PDE1C: variants seen among roughly 807,000 people sequenced by gnomAD.
PDE1C encodes the protein dual specificity calcium/calmodulin-dependent 3',5'-cyclic nucleotide phosphodiesterase 1C.
In PDE1C, 62 loss-of-function variants were observed where a neutral mutation model predicts 93.1. That is an observed-to-expected ratio of 0.67 (90% CI 0.54 to 0.82). PDE1C has a LOEUF of 0.82. Ranked by LOEUF, PDE1C falls within the 40% of genes least tolerant of loss-of-function variation. The pLI is 0.00. For synonymous variants in PDE1C, 325 were observed against 310.1 expected (o/e 1.05, Z -0.50); for missense variants, 742 against 884.6 (o/e 0.84, Z 2.04).
intron 2 of PDE1C, among the ~76,000 whole-genome samples, chr7:32,010,436 A>C (rs1033901426): frequency 6.6e-6 from 1 of 152,242 alleles, no homozygotes; most frequent in African/African-American, 2.4e-5. Context: ...CCGGATTTCC[A>C]TGTGTAAATT....
At chr7:31,864,582 AT>A (rs1795058885) in intron 7 of PDE1C, among the ~76,000 whole-genome samples, 1 of 152,240 alleles carries the variant, frequency 6.6e-6, no homozygotes, top group Admixed American at 6.5e-5. Context: ...AGTACATTGA[AT>A]ACAATTTCAG....
At chr7:32,169,861 G>T (rs1173001093) in exon 3 of PDE1C, 8 of 1,612,528 alleles carry the variant, frequency 5.0e-6, no homozygotes, top group Non-Finnish European at 5.9e-6. Flanking sequence ...TCTGGGGGTC[G>T]AGGGTCATGG....
Position 32,209,543 on chromosome 7 carries a change from G to GAAA in PDE1C, c.86-7_86-5dup, listed in dbSNP as rs112791453. ...TTGTCTCCAGCTTCATTTGCAACTA[G>GAAA]AAAAAAAAAAGAGGATGCAATTTAA... On this transcript the variant is annotated splice_region_variant and splice_polypyrimidine_tract_variant and intron_variant, in intron 1 of 18. Transcript: ENST00000396193. 3.7e-4 allele frequency: 512 copies of GAAA among 1,368,630 alleles called. No homozygotes were observed. The African/African-American group carries it at 6.7e-3, about 18-fold the overall frequency. 84.8% of individuals were successfully genotyped at this position (1,368,630 alleles called of 1,614,324 possible).
intron 2 of PDE1C, among the ~76,000 whole-genome samples, chr7:31,991,487 T>G (rs1784132057): frequency 6.6e-6 from 1 of 152,252 alleles, no homozygotes; most frequent in East Asian, 1.9e-4. Flanking sequence ...AGAAATTATG[T>G]TCTCTTTGCC....
chr7:32,205,744 C>G (rs531691550), intron 2 of PDE1C, among the ~76,000 whole-genome samples: 91 of 152,300 alleles, frequency 6.0e-4, no homozygotes, highest in Non-Finnish European at 1.1e-3. Context: ...AGTTTCACTC[C>G]TGAAGCCAGC....
intron 1 of PDE1C, among the ~76,000 whole-genome samples, chr7:32,231,657 A>C (rs1462715673): frequency 6.6e-6 from 1 of 152,234 alleles, no homozygotes; most frequent in Middle Eastern, 3.2e-3. Context: ...ACTGCTCTCC[A>C]ACACTGAAAA....
chr7:32,377,828 G>T (rs1467834771), intron 1 of PDE1C, among the ~76,000 whole-genome samples: 3 of 151,994 alleles, frequency 2.0e-5, no homozygotes, highest in Admixed American at 6.5e-5. Context: ...CTATTGCCTC[G>T]CACCAAGCAA....
At chr7:31,647,708 G>GAAT in the PDE1C span, among the ~76,000 whole-genome samples, 20 of 144,590 alleles carry the variant, frequency 1.4e-4, no homozygotes, top group African/African-American at 5.1e-4. Context: ...AGAGGAAGAA[G>GAAT]AAGACGATGA....
chr7:32,007,706 A>G (rs927603762), intron 2 of PDE1C, among the ~76,000 whole-genome samples: 1 of 152,224 alleles, frequency 6.6e-6, no homozygotes, highest in African/African-American at 2.4e-5. Context: ...ACAACTAGTC[A>G]TTCCACGTAT....
In PDE1C at chr7:31,837,275, G is replaced by A. The variant is rs1325681180; in HGVS notation, c.1108C>T (p.Leu370Phe). ...EAIEKPKALS[L>F]MLHTADISHP... ...CTAATATCTGCTGTATGCAGCATAAGGGATAAGGCTTTTGGCTTTTCAATG... is the reference window on the plus strand; with the variant it reads ...CTAATATCTGCTGTATGCAGCATAAAGGATAAGGCTTTTGGCTTTTCAATG... Residue 370 changes from leucine to phenylalanine, a missense_variant, in exon 11 of 18, where the codon CTT (leucine) becomes TTT (phenylalanine). Transcript: ENST00000396191. The A allele has an allele frequency of 1.2e-6, 2 of 1,612,898 alleles. No homozygotes were observed. Among genetic ancestry groups the A allele is most frequent in the African/African-American group, 2.7e-5 (2 of 74,910 alleles).
At chr7:31,913,759 T>A (rs1801543345) in intron 2 of PDE1C, among the ~76,000 whole-genome samples, 1 of 152,198 alleles carries the variant, frequency 6.6e-6, no homozygotes, top group African/African-American at 2.4e-5. Flanking sequence ...TATTTGTCCT[T>A]AAACAGAGTT....
At chr7:32,128,920 T>TATAC (rs1799748324) in intron 3 of PDE1C, among the ~76,000 whole-genome samples, 1 of 77,932 alleles carries the variant, frequency 1.3e-5, no homozygotes, top group Admixed American at 1.1e-4. Context: ...TATATATATA[T>TATAC]ATATATATAT....
At chr7:32,120,790 T>C (rs1244664129) in intron 3 of PDE1C, among the ~76,000 whole-genome samples, 1 of 152,082 alleles carries the variant, frequency 6.6e-6, no homozygotes. Flanking sequence ...AAAAAAATGC[T>C]GAAAACCCAA....
At chr7:32,241,517 G>A (rs1808543966) in intron 1 of PDE1C, among the ~76,000 whole-genome samples, 1 of 152,114 alleles carries the variant, frequency 6.6e-6, no homozygotes, top group East Asian at 1.9e-4. Context: ...CAGGACTGGT[G>A]TAGACTGAAG....
chr7:32,187,684 C>T (rs560148519), intron 2 of PDE1C, among the ~76,000 whole-genome samples: 7 of 152,184 alleles, frequency 4.6e-5, no homozygotes, highest in South Asian at 2.1e-4. Flanking sequence ...AAGTTGCATA[C>T]GTAATTTTAA....
chr7:31,688,737 A>C, the PDE1C span, among the ~76,000 whole-genome samples: 7 of 152,234 alleles, frequency 4.6e-5, no homozygotes, highest in African/African-American at 1.7e-4. Flanking sequence ...AGAGGAAGTT[A>C]CAAGAGTTTA....
rs1356058477 is a variant in PDE1C at position 32,128,950 on chromosome 7, TATAA to T, written c.308+40831_308+40834del. The stretch of plus-strand genomic sequence containing the variant: ...ATATATATATATATATATATATATA[TATAA>T]AGAAAAATCTAAAAAAAACAGAAAA... On this transcript the variant is annotated intron_variant, in intron 3 of 18. Transcript: ENST00000396193. Among the ~76,000 whole-genome samples the T allele has an allele frequency of 2.0e-3, 174 of 85,316 alleles. 12 individuals are homozygous for T. Among genetic ancestry groups the T allele is most frequent in the African/African-American group, 8.8e-3 (161 of 18,236 alleles). 56.0% of individuals were successfully genotyped at this position (85,316 alleles called of 152,430 possible).
chr7:32,267,824 C>A (rs1244523137), intron 1 of PDE1C, among the ~76,000 whole-genome samples: 1 of 152,140 alleles, frequency 6.6e-6, no homozygotes, highest in Non-Finnish European at 1.5e-5. Flanking sequence ...ACAGTTATGA[C>A]CCCTCCATCC....
intron 3 of PDE1C, among the ~76,000 whole-genome samples, chr7:32,106,484 G>C (rs529848190): frequency 6.6e-6 from 1 of 152,206 alleles, no homozygotes; most frequent in African/African-American, 2.4e-5. Context: ...GAGAAACTGA[G>C]AGGAAAGAGA....
Sources: allele counts gnomAD v4.1 joint callset (sites outside exome capture counted in the v4.1 genomes callset), GRCh38; gene constraint gnomAD v4.1.1; transcripts MANE v1.5; gene names NCBI Gene and HGNC (gene_info 2026-07-23, HGNC 2026-07-21).